Variants in DMXL2 observed in about 807,000 individuals in gnomAD.
DMXL2 encodes dmX-like protein 2.
Under a neutral mutation model 331.1 loss-of-function variants are expected in DMXL2, and 103 were observed. The ratio of observed to expected loss-of-function variants is 0.31; its 90% CI spans 0.27 to 0.37. DMXL2 has a LOEUF of 0.37. Among genes scored for constraint, DMXL2 ranks in the 10% least tolerant of loss-of-function variants. DMXL2 has a pLI of 1.00. For missense variants in DMXL2, 3,171 were observed against 3,642.9 expected, an observed-to-expected ratio of 0.87 and a Z score of 3.33; for synonymous variants, 1,281 against 1,252.1, an observed-to-expected ratio of 1.02 and a Z score of -0.49.
Position 51,464,963 on chromosome 15 carries a change from A to C in DMXL2, c.7607-87T>G, listed in dbSNP as rs2040445271. On this transcript the variant is annotated intron_variant, in intron 31 of 43. Transcript: ENST00000560891. ...TTATAGAATCTGAATTCTCAGAGAT[A>C]ATACTTCTGAAAATACAAATAAATC... 31 of 1,155,326 alleles carry C rather than the reference A, an allele frequency of 2.7e-5. No individual in the cohort carries two copies. In the East Asian group the frequency reaches 7.8e-4, roughly 29 times the overall value. 71.6% of individuals were successfully genotyped at this position (1,155,326 alleles called of 1,614,324 possible).
At chr15:51,502,730 A>T (rs1287480906) in intron 17 of DMXL2, 76 bp downstream of exon 17, 3 of 921,454 alleles carry the variant, frequency 3.3e-6, no homozygotes, top group Non-Finnish European at 5.3e-6. Context: ...AGAAGAGTTC[A>T]TCTATTTTAT....
chr15:51,489,917 T>TCAC (rs2042672828), intron 20 of DMXL2, among the ~76,000 whole-genome samples: 1 of 152,220 alleles, frequency 6.6e-6, no homozygotes, highest in South Asian at 2.1e-4. Context: ...GTGTATATTA[T>TCAC]CACAGATAAT....
Position 51,481,536 on chromosome 15 carries a change from G to C in DMXL2, c.5570C>G (p.Ser1857Cys), listed in dbSNP as rs1205447142. 6.2e-7 allele frequency: 1 copy of C among 1,612,256 alleles called. No individual in the cohort carries two copies. The highest frequency in any genetic ancestry group is 8.5e-7 in the Non-Finnish European group (1 of 1,179,528). Residue 1857 changes from serine to cysteine, a missense_variant, in exon 24 of 44, where the codon TCC becomes TGC. Ser to Cys is a moderately radical substitution (Grantham distance 112). Coordinates refer to ENST00000560891, the MANE Select transcript of DMXL2 (RefSeq NM_001378457.1). ...HPLLIRRNLASPEGTLATLGL... is the reference protein window; with the variant it reads ...HPLLIRRNLACPEGTLATLGL... ...TAAGGTTGCCAAAGTTCCTTCAGGG[G>C]AGGCAAGATTTCTTCGAATGAGCAA...
intron 6 of DMXL2, among the ~76,000 whole-genome samples, chr15:51,551,851 T>C (rs1479855005): frequency 6.6e-6 from 1 of 152,202 alleles, no homozygotes; most frequent in Non-Finnish European, 1.5e-5. Context: ...GGATATAAAT[T>C]ATTGTTTTAA....
intron 5 of DMXL2, 102 bp downstream of exon 5, chr15:51,564,023 G>T: frequency 1.5e-6 from 2 of 1,300,454 alleles, no homozygotes; most frequent in Non-Finnish European, 2.1e-6. Flanking sequence ...GCATCTAAAT[G>T]CAATGGTACC....
intron 33 of DMXL2, chr15:51,460,175 A>G: frequency 2.0e-6 from 2 of 986,688 alleles, no homozygotes; most frequent in Non-Finnish European, 2.4e-6. Context: ...ATAACTCAGT[A>G]ATTTGCTCCC....
chr15:51,484,670 G>A (rs1038993539), intron 23 of DMXL2, among the ~76,000 whole-genome samples: 15 of 152,080 alleles, frequency 9.9e-5, no homozygotes, highest in Non-Finnish European at 2.1e-4. Context: ...AAGGAAATAT[G>A]ACACCAAAGG....
At chr15:51,574,993 C>T (rs962427958) in intron 2 of DMXL2, among the ~76,000 whole-genome samples, 4 of 152,074 alleles carry the variant, frequency 2.6e-5, no homozygotes, top group South Asian at 2.1e-4. Context: ...TCTGACACTC[C>T]CCATGTTTTC....
chr15:51,577,541 T>A (rs1319994416), intron 1 of DMXL2, among the ~76,000 whole-genome samples: 2 of 152,184 alleles, frequency 1.3e-5, no homozygotes. Flanking sequence ...TACATTCTTA[T>A]AGACAAGGCA....
chr15:51,599,516 A>T (rs2053076041), intron 1 of DMXL2, among the ~76,000 whole-genome samples: 1 of 152,228 alleles, frequency 6.6e-6, no homozygotes, highest in South Asian at 2.1e-4. Context: ...ATATCTACAT[A>T]TCTCTATACC....
rs574795216 is a variant in DMXL2 at position 51,528,638 on chromosome 15, G to T, written c.2436+7025C>A. 1.8e-4 allele frequency among the ~76,000 whole-genome samples: 28 copies of T among 152,216 alleles called. No individual in the cohort carries two copies. The South Asian group carries it at 3.9e-3, about 21-fold the overall frequency. ...CCAGATATATCAAGCAAATATTAGA[G>T]TTACAGAAAGAGATAGACCCCAATA... On this transcript the variant is annotated intron_variant, in intron 13 of 43. Coordinates refer to ENST00000560891, the MANE Select transcript of DMXL2 (RefSeq NM_001378457.1).
At chr15:51,487,679 A>T (rs2042496464) in intron 22 of DMXL2, among the ~76,000 whole-genome samples, 1 of 152,028 alleles carries the variant, frequency 6.6e-6, no homozygotes, top group African/African-American at 2.4e-5. Flanking sequence ...GCTGGTCTTG[A>T]ACTCCTGACC....
chr15:51,515,850 C>G (rs924774868), intron 14 of DMXL2, among the ~76,000 whole-genome samples: 2 of 152,086 alleles, frequency 1.3e-5, no homozygotes, highest in African/African-American at 4.8e-5. Context: ...ATTAAGTTAT[C>G]TATAGGAAGG....
intron 1 of DMXL2, among the ~76,000 whole-genome samples, chr15:51,605,212 T>C (rs2141349373): frequency 6.6e-6 from 1 of 152,028 alleles, no homozygotes; most frequent in African/African-American, 2.4e-5. Context: ...AATATATGTA[T>C]TTTTTTTAAA....
At chr15:51,615,856 G>A (rs577993582) in intron 1 of DMXL2, among the ~76,000 whole-genome samples, 5 of 152,260 alleles carry the variant, frequency 3.3e-5, no homozygotes, top group Non-Finnish European at 5.9e-5. Context: ...TACAGCTAAC[G>A]GATGAGCTAC....
chr15:51,541,951 T>C (rs912116314), intron 9 of DMXL2, among the ~76,000 whole-genome samples: 1 of 152,084 alleles, frequency 6.6e-6, no homozygotes, highest in Non-Finnish European at 1.5e-5. Flanking sequence ...AAGGAAAACT[T>C]TGTAAAAATA....
In DMXL2 at chr15:51,542,381, T is replaced by G; in HGVS notation, c.1057A>C (p.Asn353His). The stretch of plus-strand genomic sequence containing the variant: ...GCAATATGAAAATGACAGAGTGCAT[T>G]TGCATGGTGGGAAATGTGTCTTTGA... ...EVQRHISHHA[N>H]ALCHFHIAAS... The change falls in exon 9 of 44, where the codon AAT becomes CAT. Residue 353 changes from asparagine (N) to histidine (H), a missense_variant. Physicochemically the swap from Asn to His is moderately conservative, Grantham distance 68 (BLOSUM62 1). This residue lies in a region of DMXL2 where 1,674 missense variants were observed against 1,780.2 expected (regional missense o/e 0.94). Coordinates refer to ENST00000560891, the MANE Select transcript of DMXL2 (RefSeq NM_001378457.1). 6.2e-7 allele frequency: 1 copy of G among 1,613,792 alleles called. No homozygotes were observed.
intron 13 of DMXL2, among the ~76,000 whole-genome samples, chr15:51,523,406 G>T (rs1455717185): frequency 6.6e-6 from 1 of 152,232 alleles, no homozygotes; most frequent in Non-Finnish European, 1.5e-5. Flanking sequence ...GACTTTGAAA[G>T]TTCCTGACTA....
At chr15:51,564,421 A>T (rs1192731177) in intron 4 of DMXL2, among the ~76,000 whole-genome samples, 161 bp from the exon 5 acceptor site, 1 of 152,132 alleles carries the variant, frequency 6.6e-6, no homozygotes, top group Non-Finnish European at 1.5e-5. Flanking sequence ...AGTCCCTTAT[A>T]AGAAAAAAGA....
Sources: allele counts gnomAD v4.1 joint callset (sites outside exome capture counted in the v4.1 genomes callset), GRCh38; gene constraint gnomAD v4.1.1; regional missense constraint gnomAD v4.1.1; transcripts MANE v1.5; gene names NCBI Gene and HGNC (gene_info 2026-07-23, HGNC 2026-07-21).